MAGI1: variants seen among roughly 807,000 people sequenced by gnomAD.
MAGI1 encodes membrane-associated guanylate kinase, WW and PDZ domain-containing protein 1.
MAGI1 carries 58 observed loss-of-function variants against 139.9 expected under a neutral mutation model. The ratio of observed to expected loss-of-function variants is 0.41; its 90% CI spans 0.34 to 0.52. MAGI1 has a LOEUF of 0.52. Ranked by LOEUF, MAGI1 falls within the 20% of genes least tolerant of loss-of-function variation. The pLI, the probability that MAGI1 is intolerant of heterozygous loss-of-function variation, is 0.12. For synonymous variants in MAGI1, 812 were observed against 737.9 expected, an observed-to-expected ratio of 1.10 and a Z score of -1.63; for missense variants, 1,874 against 1,901.6, an observed-to-expected ratio of 0.99 and a Z score of 0.27.
intron 1 of MAGI1, among the ~76,000 whole-genome samples, chr3:65,950,051 AAAAAAAAC>A (rs2063726306): frequency 4.6e-5 from 3 of 65,222 alleles, no homozygotes; most frequent in African/African-American, 1.3e-4. Flanking sequence ...CATCAAAAAA[AAAAAAAAC>A]AAAAAAACAA....
At chr3:65,997,044 G>A (rs2066486780) in intron 1 of MAGI1, among the ~76,000 whole-genome samples, 1 of 152,110 alleles carries the variant, frequency 6.6e-6, no homozygotes, top group Non-Finnish European at 1.5e-5. Context: ...AATTTAATTG[G>A]GATATATATG....
intron 1 of MAGI1, among the ~76,000 whole-genome samples, chr3:65,985,666 T>C (rs2065843467): frequency 6.6e-6 from 1 of 152,218 alleles, no homozygotes; most frequent in Non-Finnish European, 1.5e-5. Context: ...TGATGGTTTA[T>C]TTACTAACTA....
At chr3:65,970,511 T>C (rs1380298078) in intron 1 of MAGI1, among the ~76,000 whole-genome samples, 1 of 146,650 alleles carries the variant, frequency 6.8e-6, no homozygotes, top group Non-Finnish European at 1.5e-5. Context: ...AGGTATACTT[T>C]ACAATTTTGT....
At chr3:65,470,594 C>T (rs897286884) in intron 4 of MAGI1, 110 bp from the exon 5 acceptor site, 2 of 627,960 alleles carry the variant, frequency 3.2e-6, no homozygotes, top group Non-Finnish European at 5.6e-6. Flanking sequence ...CATCTATATT[C>T]TTAAATGCTC....
intron 2 of MAGI1, among the ~76,000 whole-genome samples, chr3:65,555,103 A>C (rs936973014): frequency 1.3e-5 from 2 of 152,266 alleles, no homozygotes; most frequent in African/African-American, 4.8e-5. Context: ...AACACGCCAT[A>C]CAATTTTTGT....
chr3:65,402,787 C>A (rs1371899791), intron 12 of MAGI1, among the ~76,000 whole-genome samples: 4 of 152,188 alleles, frequency 2.6e-5, no homozygotes, highest in Middle Eastern at 3.4e-3. Flanking sequence ...GGGAGTGAGG[C>A]ATGATGAGGA....
intron 1 of MAGI1, among the ~76,000 whole-genome samples, chr3:65,988,777 A>G (rs1036795506): frequency 7.9e-5 from 12 of 152,202 alleles, no homozygotes; most frequent in Non-Finnish European, 1.5e-4. Flanking sequence ...TTTAAGAATT[A>G]TCACACCTAA....
intron 2 of MAGI1, among the ~76,000 whole-genome samples, chr3:65,544,023 A>G (rs2079382653): frequency 6.6e-6 from 1 of 152,166 alleles, no homozygotes; most frequent in Admixed American, 6.5e-5. Context: ...CATATGACAT[A>G]TGAGTATATA....
At chr3:65,401,603 C>A in intron 12 of MAGI1, 133 bp from the exon 13 acceptor site, 3 of 1,551,258 alleles carry the variant, frequency 1.9e-6, no homozygotes, top group Non-Finnish European at 2.6e-6. Flanking sequence ...AGATTTCTCC[C>A]CAGCATCGGA....
At chr3:65,704,857 T>C (rs2029889542) in intron 1 of MAGI1, among the ~76,000 whole-genome samples, 1 of 152,150 alleles carries the variant, frequency 6.6e-6, no homozygotes, top group African/African-American at 2.4e-5. Flanking sequence ...CAGTCTGCAG[T>C]AGATGTGCAC....
At chr3:65,888,958 T>C (rs1011494962) in intron 1 of MAGI1, among the ~76,000 whole-genome samples, 4 of 152,240 alleles carry the variant, frequency 2.6e-5, no homozygotes, top group African/African-American at 9.6e-5. Context: ...TTTATGTATA[T>C]ATTTATATAT....
intron 1 of MAGI1, among the ~76,000 whole-genome samples, chr3:65,780,503 CCTGGAGAGCT>C (rs1193006134): frequency 2.6e-5 from 4 of 152,110 alleles, no homozygotes; most frequent in African/African-American, 7.2e-5. Flanking sequence ...AGAGAAGAGC[CCTGGAGAGCT>C]AACTTGCATA....
intron 3 of MAGI1, among the ~76,000 whole-genome samples, chr3:65,492,233 A>G (rs1292611747): frequency 6.6e-6 from 1 of 152,240 alleles, no homozygotes; most frequent in Admixed American, 6.5e-5. Context: ...TTCTGCCTCA[A>G]ATAATAATAA....
intron 1 of MAGI1, among the ~76,000 whole-genome samples, chr3:65,751,415 C>G (rs563909584): frequency 6.6e-6 from 1 of 152,324 alleles, no homozygotes; most frequent in Admixed American, 6.5e-5. Context: ...GTGTCTCTCC[C>G]TTTGTCTACT....
At chr3:65,602,632 C>T (rs757430935) in intron 2 of MAGI1, among the ~76,000 whole-genome samples, 1 of 151,300 alleles carries the variant, frequency 6.6e-6, no homozygotes, top group South Asian at 2.1e-4. Flanking sequence ...CAGTTGTACA[C>T]CTTGAGAATA....
chr3:65,491,021 G>A (rs760528129), intron 3 of MAGI1, among the ~76,000 whole-genome samples: 15 of 152,022 alleles, frequency 9.9e-5, no homozygotes, highest in Non-Finnish European at 1.8e-4. Flanking sequence ...CATTCACAAA[G>A]GCACCGTTTT....
chr3:65,663,066 T>C (rs2086291186), intron 1 of MAGI1, among the ~76,000 whole-genome samples: 1 of 152,160 alleles, frequency 6.6e-6, no homozygotes, highest in Admixed American at 6.6e-5. Context: ...TACTGGGAAT[T>C]CAATACATAT....
At chr3:65,813,404 G>A (rs1044698567) in intron 1 of MAGI1, among the ~76,000 whole-genome samples, 8 of 151,902 alleles carry the variant, frequency 5.3e-5, no homozygotes, top group Non-Finnish European at 1.5e-5. Context: ...AAGAAAACAA[G>A]GAAATAGGAA....
chr3:65,659,777 T>G (rs915787194), intron 1 of MAGI1, among the ~76,000 whole-genome samples: 26 of 152,218 alleles, frequency 1.7e-4, no homozygotes, highest in African/African-American at 6.3e-4. Flanking sequence ...CAGCTGGAAC[T>G]GAAGTCCCAC....
Sources: allele counts gnomAD v4.1 joint callset (sites outside exome capture counted in the v4.1 genomes callset), GRCh38; gene constraint gnomAD v4.1.1; transcripts MANE v1.5; gene names NCBI Gene and HGNC (gene_info 2026-07-23, HGNC 2026-07-21).